The following AGMO variants were observed in gnomAD, a reference collection of about 807,000 sequenced individuals.
AGMO encodes the protein alkylglycerol monooxygenase.
Under a neutral mutation model 60.2 loss-of-function variants are expected in AGMO, and 75 were observed. The observed-to-expected ratio is 1.25, with a 90% CI of 1.03 to 1.51. AGMO has a LOEUF of 1.51. Ranked by LOEUF, AGMO falls within the 40% of genes most tolerant of loss-of-function variation. AGMO has a pLI of 0.00. For synonymous variants in AGMO, 261 were observed against 177.1 expected (o/e 1.47, Z -3.76); for missense variants, 763 against 525.5 (o/e 1.45, Z -4.42).
chr7:15,361,267 G>C (rs1373859775), intron 12 of AGMO, among the ~76,000 whole-genome samples: 2 of 149,752 alleles, frequency 1.3e-5, no homozygotes, highest in African/African-American at 4.9e-5. Context: ...CTGAACATGT[G>C]AACTTAGTTG....
At chr7:15,237,813 C>T (rs934960822) in intron 12 of AGMO, among the ~76,000 whole-genome samples, 1 of 152,100 alleles carries the variant, frequency 6.6e-6, no homozygotes, top group African/African-American at 2.4e-5. Flanking sequence ...TAACCTTTCT[C>T]TTCTTATGTT....
intron 5 of AGMO, among the ~76,000 whole-genome samples, chr7:15,411,947 T>G (rs899299889): frequency 6.6e-6 from 1 of 152,120 alleles, no homozygotes; most frequent in African/African-American, 2.4e-5. Flanking sequence ...TCCATTAATT[T>G]TGGATGCTAA....
chr7:15,328,394 G>C (rs1006246953), intron 12 of AGMO, among the ~76,000 whole-genome samples: 5 of 152,184 alleles, frequency 3.3e-5, no homozygotes, highest in South Asian at 2.1e-4. Context: ...ACCACGCCCA[G>C]CCTGATTTCT....
intron 12 of AGMO, among the ~76,000 whole-genome samples, chr7:15,264,983 T>TA (rs943494596): frequency 6.1e-4 from 93 of 152,230 alleles, no homozygotes; most frequent in African/African-American, 2.2e-3. Context: ...CATGCACTCT[T>TA]ACGTTCATTG....
At chr7:15,169,220 T>C in the AGMO span, among the ~76,000 whole-genome samples, 511 of 152,320 alleles carry the variant, frequency 3.4e-3, 4 homozygotes, top group African/African-American at 0.012. Context: ...GAACATACTT[T>C]TGGCTTTGCA....
the AGMO span, among the ~76,000 whole-genome samples, chr7:15,194,558 T>A: frequency 6.6e-6 from 1 of 152,158 alleles, no homozygotes; most frequent in Non-Finnish European, 1.5e-5. Flanking sequence ...TCAGCACACT[T>A]ATTCCTTCTG....
At chr7:15,322,844 A>T (rs1202384948) in intron 12 of AGMO, among the ~76,000 whole-genome samples, 1 of 143,714 alleles carries the variant, frequency 7.0e-6, no homozygotes, top group African/African-American at 2.5e-5. Flanking sequence ...CAAAATTATA[A>T]AAAAAAATGT....
At position 15,507,666 on chromosome 7, in the gene AGMO, C is replaced by T. The variant is rs141428479; in HGVS notation, c.409+37106G>A. On this transcript the variant is annotated intron_variant, in intron 3 of 12. Coordinates refer to ENST00000342526, the MANE Select transcript of AGMO (RefSeq NM_001004320.2). ...AAACTAAGCCACAAGAATTTTAAGA[C>T]ATTTATGACACAGTGGTAAGTTTTA... is the stretch of plus-strand genomic sequence containing the variant. Among the ~76,000 whole-genome samples the T allele has an allele frequency of 2.6e-3, 389 of 152,144 alleles. 1 individual carries two copies. The highest frequency in any genetic ancestry group is 8.9e-3 in the African/African-American group (369 of 41,508).
chr7:15,385,371 AT>A, intron 10 of AGMO, 74 bp downstream of exon 10: 1 of 1,002,566 alleles, frequency 1.0e-6, no homozygotes, highest in Non-Finnish European at 1.5e-6. Flanking sequence ...CAGCCTTAAT[AT>A]GGGGAGCTTA....
intron 5 of AGMO, among the ~76,000 whole-genome samples, chr7:15,394,880 G>C (rs190060020): frequency 4.1e-3 from 630 of 152,168 alleles, no homozygotes; most frequent in Middle Eastern, 6.8e-3. Flanking sequence ...TATATAAAAA[G>C]GCCTTTTTTC....
At chr7:15,422,980 G>C (rs2128495628) in intron 4 of AGMO, among the ~76,000 whole-genome samples, 1 of 152,270 alleles carries the variant, frequency 6.6e-6, no homozygotes, top group Non-Finnish European at 1.5e-5. Context: ...AAATGTAGGA[G>C]GTGAGAGAGT....
intron 10 of AGMO, among the ~76,000 whole-genome samples, chr7:15,380,024 C>A (rs1783611977): frequency 6.6e-6 from 1 of 152,028 alleles, no homozygotes; most frequent in African/African-American, 2.4e-5. Flanking sequence ...ATAAAAAGAT[C>A]CATATAAGAC....
rs564293525 is a variant in AGMO, at chr7:15,339,982, T to C, written c.1263+25532A>G. 3.3e-5 allele frequency among the ~76,000 whole-genome samples: 5 copies of C among 152,306 alleles called. No individual in the cohort carries two copies. The South Asian group carries it at 1.0e-3, about 32-fold the overall frequency. On this transcript the variant is annotated intron_variant, in intron 12 of 12. Coordinates refer to ENST00000342526, the MANE Select transcript of AGMO (RefSeq NM_001004320.2). ...TCAACAAGTGACTGTGACTGAGGCATAGATGGAAGGAGCATAGCACAGATA... is the reference window on the plus strand; with the variant it reads ...TCAACAAGTGACTGTGACTGAGGCACAGATGGAAGGAGCATAGCACAGATA...
At chr7:15,371,757 G>A (rs1783227910) in intron 10 of AGMO, among the ~76,000 whole-genome samples, 1 of 151,692 alleles carries the variant, frequency 6.6e-6, no homozygotes, top group East Asian at 2.0e-4. Flanking sequence ...TGTCCAGGCT[G>A]GTCTCAAACT....
At chr7:15,192,931 A>G in the AGMO span, among the ~76,000 whole-genome samples, 1 of 152,222 alleles carries the variant, frequency 6.6e-6, no homozygotes, top group African/African-American at 2.4e-5. Context: ...AGGTTATAGA[A>G]TATTAAAAAT....
chr7:15,325,425 A>G (rs1195593988), intron 12 of AGMO, among the ~76,000 whole-genome samples: 1 of 150,750 alleles, frequency 6.6e-6, no homozygotes, highest in Non-Finnish European at 1.5e-5. Context: ...GGCATGTCAG[A>G]TTAAGATTAA....
chr7:15,212,289 A>AC (rs1563037313), intron 12 of AGMO, among the ~76,000 whole-genome samples: 4 of 121,964 alleles, frequency 3.3e-5, no homozygotes, highest in African/African-American at 5.5e-5. Flanking sequence ...CACACACACA[A>AC]ATAGCATGGG....
intron 2 of AGMO, among the ~76,000 whole-genome samples, chr7:15,558,037 C>G (rs111537508): frequency 2.6e-5 from 4 of 151,422 alleles, no homozygotes; most frequent in Admixed American, 2.0e-4. Context: ...TCCCCTTTCT[C>G]TCTGCTTTTT....
At chr7:15,373,987 C>A (rs1288902882) in intron 10 of AGMO, among the ~76,000 whole-genome samples, 1 of 152,190 alleles carries the variant, frequency 6.6e-6, no homozygotes, top group African/African-American at 2.4e-5. Context: ...GCATACTTAT[C>A]CCTGCTGCCA....
Sources: gnomAD v4.1 joint callset for allele counts (sites outside exome capture counted in the v4.1 genomes callset) on GRCh38, gnomAD v4.1.1 for gene constraint, MANE v1.5 for transcripts, NCBI Gene and HGNC (gene_info 2026-07-23, HGNC 2026-07-21) for gene names.